Variants in SLC16A2 observed in about 807,000 individuals in gnomAD.
SLC16A2 encodes the protein solute carrier family 16 member 2, also known as monocarboxylate transporter 8.
SLC16A2 carries 3 observed loss-of-function variants against 27.2 expected under a neutral mutation model. That is an observed-to-expected ratio of 0.11 (90% CI 0.05 to 0.28). The LOEUF (loss-of-function observed/expected upper bound fraction) is 0.28. SLC16A2 is among the 10% of genes least tolerant of loss of function. The pLI is 1.00. For synonymous variants in SLC16A2, 202 were observed against 187.8 expected, an observed-to-expected ratio of 1.08 and a Z score of -0.62; for missense variants, 295 against 458.5, an observed-to-expected ratio of 0.64 and a Z score of 3.26.
Position 74,422,070 on chromosome X carries a change from G to T in SLC16A2, c.430+3G>T. ...TCGCCAAGTGGAGTTCCAAGCAGGTGAGTGGCCCCGCACGCCCCACTTGGC... is the reference window on the plus strand; with the variant it reads ...TCGCCAAGTGGAGTTCCAAGCAGGTTAGTGGCCCCGCACGCCCCACTTGGC... On this transcript the variant is annotated splice_donor_region_variant and intron_variant, in intron 1 of 5. Transcript: ENST00000587091. The T allele has an allele frequency of 8.3e-7, 1 of 1,206,505 alleles. No homozygotes were observed.
chrX:74,486,861 T>A (rs1348506718), intron 1 of SLC16A2, among the ~76,000 whole-genome samples: 1 of 111,618 alleles, frequency 9.0e-6, no homozygotes, highest in East Asian at 2.8e-4. Context: ...ATAGACTGGA[T>A]TAAGAAAACG....
intron 1 of SLC16A2, among the ~76,000 whole-genome samples, chrX:74,482,550 CTT>C (rs775156025): frequency 8.9e-6 from 1 of 111,757 alleles, no homozygotes; most frequent in African/African-American, 3.3e-5. Context: ...AGTTTGCTAA[CTT>C]TATTTCCTGC....
In SLC16A2 at chrX:74,531,652, C is replaced by T. The variant is rs186925711; in HGVS notation, c.*99C>T. The T allele has an allele frequency of 9.5e-6, 6 of 633,936 alleles. No homozygotes were observed. The highest frequency in any genetic ancestry group is 1.3e-5 in the Non-Finnish European group (5 of 379,083). The allele number at this position is 633,936 out of a possible 1,213,427, so 52.2% of individuals were successfully genotyped here. A position where few individuals can be genotyped will look rare whatever the true frequency, so the allele number is the denominator to read the frequency against. On this transcript the variant is annotated 3_prime_UTR_variant, in exon 6 of 6. Transcript: ENST00000587091. ...GCCACCAGCACACTTGTTCCCAGAC[C>T]TGCGCACACAGCATTTCAGCCACCT... is the stretch of plus-strand genomic sequence containing the variant.
At chrX:74,463,625 C>T (rs1200623392) in intron 1 of SLC16A2, among the ~76,000 whole-genome samples, 2 of 110,887 alleles carry the variant, frequency 1.8e-5, no homozygotes, top group Non-Finnish European at 3.8e-5. Flanking sequence ...CTCCCGGGTT[C>T]ATGCCATTCT....
Position 74,440,724 on chromosome X carries a change from A to G in SLC16A2, c.430+18657A>G, listed in dbSNP as rs761417711. 3.7e-5 allele frequency among the ~76,000 whole-genome samples: 4 copies of G among 108,720 alleles called. No homozygotes were observed. The East Asian group carries it at 1.2e-3, about 32-fold the overall frequency. 94.4% of individuals were successfully genotyped at this position (108,720 alleles called of 115,157 possible). The stretch of plus-strand genomic sequence containing the variant: ...GTGAGTGGAATTTTAAGTATATCCA[A>G]CTGTGTGTAACTATGGGCATGCATG... On this transcript the variant is annotated intron_variant, in intron 1 of 5. Transcript: ENST00000587091.
At chrX:74,507,634 A>C (rs1015660899) in intron 1 of SLC16A2, among the ~76,000 whole-genome samples, 4 of 112,411 alleles carry the variant, frequency 3.6e-5, no homozygotes, top group Non-Finnish European at 5.6e-5. Flanking sequence ...TAGCAAAGTC[A>C]TGGAATCAAC....
At chrX:74,431,025 T>G (rs1928526558) in intron 1 of SLC16A2, among the ~76,000 whole-genome samples, 1 of 112,907 alleles carries the variant, frequency 8.9e-6, no homozygotes, top group African/African-American at 3.2e-5. Context: ...TACAGGCGTG[T>G]GCCACTGCAC....
intron 1 of SLC16A2, among the ~76,000 whole-genome samples, chrX:74,482,898 G>A (rs1929650138): frequency 9.0e-6 from 1 of 111,011 alleles, no homozygotes; most frequent in African/African-American, 3.3e-5. Flanking sequence ...TTGTAGAGAT[G>A]GGCACTGTGT....
chrX:74,523,130 T>C (rs980198020), intron 2 of SLC16A2, among the ~76,000 whole-genome samples: 5 of 112,184 alleles, frequency 4.5e-5, no homozygotes, highest in Non-Finnish European at 9.4e-5. Context: ...TCCCATAGGG[T>C]ACCTAGAATC....
intron 1 of SLC16A2, among the ~76,000 whole-genome samples, chrX:74,427,688 T>C (rs1928425644): frequency 9.0e-6 from 1 of 111,003 alleles, no homozygotes; most frequent in African/African-American, 3.3e-5. Flanking sequence ...AATGACGGAG[T>C]GGGATTTCCT....
Position 74,521,077 on chromosome X carries a change from C to T in SLC16A2, c.518C>T (p.Thr173Ile). 1.7e-6 allele frequency: 2 copies of T among 1,212,123 alleles called. No homozygotes were observed. Among genetic ancestry groups the T allele is most frequent in the Non-Finnish European group, 2.2e-6 (2 of 895,513 alleles). ...IFTDRLGCRI[T>I]ATAGAAVAFI... ...ACTGACCGTTTGGGCTGCCGAATCA[C>T]AGCAACCGCGGGGGCTGCCGTTGCT... The change falls in exon 2 of 6, where the codon ACA becomes ATA. Residue 173 changes from threonine (T) to isoleucine (I), a missense_variant. Physicochemically the swap from Thr to Ile is moderately conservative, Grantham distance 89 (BLOSUM62 -1). This residue lies in a region of SLC16A2 where 59 missense variants were observed against 153.6 expected (regional missense o/e 0.38). Coordinates refer to ENST00000587091, the MANE Select transcript of SLC16A2 (RefSeq NM_006517.5).
rs1928609976 is a variant in SLC16A2, at chrX:74,435,513, A to ATATATATATATATGCATATATATG, written c.430+13457_430+13458insATGCATATATATGTATATATATAT. On this transcript the variant is annotated intron_variant, in intron 1 of 5. Coordinates refer to ENST00000587091, the MANE Select transcript of SLC16A2 (RefSeq NM_006517.5). ...CCATCTCTTATATATATGTATATGCATATATATATATGCATATATATATGT... is the reference window on the plus strand; with the variant it reads ...CCATCTCTTATATATATGTATATGCATATATATATATATGCATATATATGTATATATATATGCATATATATATGT... Among the ~76,000 whole-genome samples the ATATATATATATATGCATATATATG allele has an allele frequency of 4.2e-5, 3 of 71,559 alleles. No homozygotes were observed. In the East Asian group the frequency reaches 0.013, roughly 302 times the overall value. The allele number at this position is 71,559 out of a possible 115,157, so 62.1% of individuals were successfully genotyped here.
intron 1 of SLC16A2, among the ~76,000 whole-genome samples, chrX:74,491,571 C>G (rs1037063604): frequency 8.9e-6 from 1 of 111,780 alleles, no homozygotes; most frequent in Admixed American, 9.5e-5. Context: ...GAGGCATGTT[C>G]GACTCCCACT....
intron 1 of SLC16A2, among the ~76,000 whole-genome samples, chrX:74,497,236 A>T (rs1036270979): frequency 8.9e-6 from 1 of 111,778 alleles, no homozygotes; most frequent in African/African-American, 3.3e-5. Flanking sequence ...AACCCCTTGT[A>T]TCATTTAAAG....
At chrX:74,485,022 GC>G (rs1409645508) in intron 1 of SLC16A2, among the ~76,000 whole-genome samples, 1 of 111,138 alleles carries the variant, frequency 9.0e-6, no homozygotes, top group African/African-American at 3.3e-5. Context: ...TTCGAGACCA[GC>G]CTGACCAACA....
chrX:74,502,688 G>C (rs750895771), intron 1 of SLC16A2, among the ~76,000 whole-genome samples: 2 of 112,324 alleles, frequency 1.8e-5, no homozygotes, highest in East Asian at 5.6e-4. Flanking sequence ...GTGTACACTA[G>C]AGATCTTTTG....
chrX:74,482,367 T>C (rs1170786875), intron 1 of SLC16A2, among the ~76,000 whole-genome samples: 1 of 111,608 alleles, frequency 9.0e-6, no homozygotes, highest in Non-Finnish European at 1.9e-5. Context: ...GTTTTTCTTA[T>C]TTTTGAATAT....
At chrX:74,530,090 CTTTT>C (rs748919451) in intron 5 of SLC16A2, among the ~76,000 whole-genome samples, 2 of 67,922 alleles carry the variant, frequency 2.9e-5, no homozygotes, top group Non-Finnish European at 6.2e-5. Context: ...TTTCTTTTCT[CTTTT>C]TTTTTTTTTT....
chrX:74,502,979 CCCCTAGCACTA>C (rs1930063081), intron 1 of SLC16A2, among the ~76,000 whole-genome samples: 1 of 109,813 alleles, frequency 9.1e-6, no homozygotes, highest in African/African-American at 3.3e-5. Flanking sequence ...GCTACTACAA[CCCCTAGCACTA>C]GGCCAAAATC....
Sources: gnomAD v4.1 joint callset for allele counts (sites outside exome capture counted in the v4.1 genomes callset) on GRCh38, gnomAD v4.1.1 for gene constraint, gnomAD v4.1.1 regional missense constraint, MANE v1.5 for transcripts, NCBI Gene and HGNC (gene_info 2026-07-23, HGNC 2026-07-21) for gene names.